CPQ: variants seen among roughly 807,000 people sequenced by gnomAD.
The protein encoded by CPQ is Ser-Met dipeptidase.
A neutral mutation model predicts 45.7 loss-of-function variants in CPQ; 37 were observed. The observed-to-expected ratio is 0.81, with a 90% CI of 0.62 to 1.07. CPQ has a LOEUF of 1.07. Ranked by LOEUF, CPQ falls within the 50% of genes least tolerant of loss-of-function variation. The pLI, the probability that CPQ is intolerant of heterozygous loss-of-function variation, is 0.00. For missense variants in CPQ, 537 were observed against 572.9 expected (o/e 0.94, Z 0.64); for synonymous variants, 186 against 205.8 (o/e 0.90, Z 0.82).
intron 4 of CPQ, among the ~76,000 whole-genome samples, chr8:96,896,759 G>A (rs1451923338): frequency 6.6e-6 from 1 of 151,956 alleles, no homozygotes; most frequent in Non-Finnish European, 1.5e-5. Context: ...TGTGCATATA[G>A]GAGCATCTAA....
intron 6 of CPQ, among the ~76,000 whole-genome samples, chr8:97,044,673 C>A (rs893597825): frequency 3.9e-5 from 6 of 152,116 alleles, no homozygotes; most frequent in African/African-American, 1.4e-4. Flanking sequence ...GTGTGGATGT[C>A]CTTTCTGTTT....
chr8:96,972,955 G>A (rs1426560926), intron 5 of CPQ, among the ~76,000 whole-genome samples: 2 of 152,036 alleles, frequency 1.3e-5, no homozygotes, highest in African/African-American at 4.8e-5. Flanking sequence ...AAACATCTGG[G>A]TAATATGAGA....
chr8:97,143,336 C>A lies in CPQ; in HGVS notation c.*153C>A. On this transcript the variant is annotated 3_prime_UTR_variant, in exon 8 of 8. Coordinates refer to ENST00000220763, the MANE Select transcript of CPQ (RefSeq NM_016134.4). ...CTGTTATTATCTTTCTTGATACTTTCCAAATTCTCTGATTCTAGAAAAAGG... is the reference window on the plus strand; with the variant it reads ...CTGTTATTATCTTTCTTGATACTTTACAAATTCTCTGATTCTAGAAAAAGG... 1 of 711,500 alleles carries A rather than the reference C, an allele frequency of 1.4e-6. No homozygotes were observed. The highest frequency in any genetic ancestry group is 2.2e-6 in the Non-Finnish European group (1 of 446,974). The allele number at this position is 711,500 out of a possible 1,614,324, so 44.1% of individuals were successfully genotyped here. A position where few individuals can be genotyped will look rare whatever the true frequency, so the allele number is the denominator to read the frequency against.
intron 4 of CPQ, among the ~76,000 whole-genome samples, chr8:96,948,253 A>ATCTT (rs1444771639): frequency 6.6e-6 from 1 of 152,100 alleles, no homozygotes; most frequent in Non-Finnish European, 1.5e-5. Flanking sequence ...ATGACATTGA[A>ATCTT]TCTTTAGGTT....
intron 4 of CPQ, among the ~76,000 whole-genome samples, chr8:96,883,136 C>A (rs574349419): frequency 6.6e-6 from 1 of 152,278 alleles, no homozygotes; most frequent in South Asian, 2.1e-4. Context: ...AGTAATATTT[C>A]ATTGTACAGA....
At chr8:96,960,655 C>A (rs1813444538) in intron 4 of CPQ, among the ~76,000 whole-genome samples, 1 of 152,164 alleles carries the variant, frequency 6.6e-6, no homozygotes, top group Non-Finnish European at 1.5e-5. Flanking sequence ...TCTGCCCTAA[C>A]CCCCATTTGA....
intron 6 of CPQ, 25 bp from the exon 7 acceptor site, chr8:97,065,984 C>A (rs763398560): frequency 2.5e-6 from 4 of 1,606,966 alleles, no homozygotes; most frequent in South Asian, 1.1e-5. Context: ...CAGATAAGAA[C>A]CAAACAATTT....
intron 4 of CPQ, among the ~76,000 whole-genome samples, chr8:96,889,247 G>C (rs1443633113): frequency 1.3e-5 from 2 of 152,182 alleles, no homozygotes; most frequent in African/African-American, 4.8e-5. Flanking sequence ...CTTTTGAGTA[G>C]GCAAAGACTG....
intron 5 of CPQ, among the ~76,000 whole-genome samples, chr8:96,995,504 A>T (rs1766453964): frequency 6.6e-6 from 1 of 152,008 alleles, no homozygotes; most frequent in African/African-American, 2.4e-5. Flanking sequence ...AGGAATTGGC[A>T]TTCTAATTTA....
chr8:96,752,357 C>T (rs1045507440), intron 1 of CPQ, among the ~76,000 whole-genome samples: 3 of 152,122 alleles, frequency 2.0e-5, no homozygotes. Context: ...CCCTTGTTAG[C>T]TGTATTCCTA....
chr8:97,099,679 C>CA (rs1335700064), intron 7 of CPQ, among the ~76,000 whole-genome samples: 1 of 151,958 alleles, frequency 6.6e-6, no homozygotes, highest in Admixed American at 6.6e-5. Flanking sequence ...TATTAATGAG[C>CA]ACAATAATTC....
At chr8:96,897,876 GC>G (rs1476503297) in intron 4 of CPQ, among the ~76,000 whole-genome samples, 1 of 152,164 alleles carries the variant, frequency 6.6e-6, no homozygotes, top group Non-Finnish European at 1.5e-5. Flanking sequence ...AGCAGTTAGA[GC>G]TTCCCTTTTA....
intron 2 of CPQ, among the ~76,000 whole-genome samples, chr8:96,805,627 C>T (rs1355269869): frequency 2.0e-5 from 3 of 152,136 alleles, no homozygotes; most frequent in African/African-American, 4.8e-5. Context: ...TATGCACAGT[C>T]AGTGCCATCA....
chr8:96,821,648 A>G (rs1563505526), intron 2 of CPQ, among the ~76,000 whole-genome samples: 1 of 151,938 alleles, frequency 6.6e-6, no homozygotes, highest in Non-Finnish European at 1.5e-5. Flanking sequence ...CTATTTTTTT[A>G]TAATACACAT....
At chr8:96,666,998 T>C (rs866823780) in intron 1 of CPQ, among the ~76,000 whole-genome samples, 3 of 152,174 alleles carry the variant, frequency 2.0e-5, no homozygotes, top group Admixed American at 6.5e-5. Flanking sequence ...ACTTCTTCCT[T>C]ACTCATATTA....
At chr8:96,966,631 T>C (rs941257323) in intron 5 of CPQ, among the ~76,000 whole-genome samples, 5 of 152,186 alleles carry the variant, frequency 3.3e-5, no homozygotes, top group Admixed American at 2.6e-4. Flanking sequence ...ATAACAAAAA[T>C]GTCTCCAGAC....
intron 2 of CPQ, among the ~76,000 whole-genome samples, chr8:96,786,436 A>G (rs1486350086): frequency 6.6e-6 from 1 of 152,140 alleles, no homozygotes; most frequent in Non-Finnish European, 1.5e-5. Flanking sequence ...GTTGATGGAC[A>G]TTGAGATTGT....
At chr8:97,042,466 T>C (rs974674426) in intron 6 of CPQ, among the ~76,000 whole-genome samples, 6 of 152,180 alleles carry the variant, frequency 3.9e-5, no homozygotes, top group East Asian at 1.9e-4. Context: ...TTTGAAGGGT[T>C]TTTTGTGTCT....
chr8:96,845,368 G>A (rs1811670549), intron 3 of CPQ, among the ~76,000 whole-genome samples: 1 of 152,124 alleles, frequency 6.6e-6, no homozygotes, highest in Admixed American at 6.5e-5. Context: ...GGAGATTGCT[G>A]GCACAGGGCA....
Sources: gnomAD v4.1 joint callset for allele counts (sites outside exome capture counted in the v4.1 genomes callset) on GRCh38, gnomAD v4.1.1 for gene constraint, MANE v1.5 for transcripts, NCBI Gene and HGNC (gene_info 2026-07-23, HGNC 2026-07-21) for gene names.